Variants in PLPP2 observed in about 807,000 individuals in gnomAD.
PLPP2 encodes PAP2-gamma.
PLPP2 carries 29 observed loss-of-function variants against 35.2 expected under a neutral mutation model. That is an observed-to-expected ratio of 0.82 (90% CI 0.61 to 1.12). PLPP2 has a LOEUF of 1.12. Among genes scored for constraint, PLPP2 ranks in the 50% most tolerant of loss-of-function variants. PLPP2 has a pLI of 0.00. For missense variants in PLPP2, 353 were observed against 375.2 expected (o/e 0.94, Z 0.49); for synonymous variants, 162 against 167.0 (o/e 0.97, Z 0.23).
chr19:282,752 C>T lies in PLPP2; in HGVS notation c.540G>A (p.Ala180=), dbSNP rs761102865. ...GCAAGCCCGGGAGAAACAGACTCAC[C>T]GCCAAGAACACCATGCAGTACATCC... ...SFGMYCMVFL[A]LYVQARLCWK... Residue 180 remains alanine (A), a splice_region_variant and synonymous_variant, in exon 4 of 6, where the codon GCG becomes GCA. Coordinates refer to ENST00000434325, the MANE Select transcript of PLPP2 (RefSeq NM_003712.4). 8 of 1,612,940 alleles carry T rather than the reference C, an allele frequency of 5.0e-6. No homozygotes were observed. The highest frequency in any genetic ancestry group is 5.9e-6 in the Non-Finnish European group (7 of 1,179,100).
At chr19:291,178 G>C in intron 1 of PLPP2, 107 bp downstream of exon 1, 1 of 1,552,394 alleles carries the variant, frequency 6.4e-7, no homozygotes, top group Non-Finnish European at 8.7e-7. Flanking sequence ...GGTCCTCGGA[G>C]GGACGAGGGC....
Position 288,052 on chromosome 19 carries a change from C to A in PLPP2, c.172G>T (p.Ala58Ser). 1.9e-6 allele frequency: 3 copies of A among 1,613,812 alleles called. No homozygotes were observed. Among genetic ancestry groups the A allele is most frequent in the Non-Finnish European group, 2.5e-6 (3 of 1,179,958 alleles). The change falls in exon 2 of 6, where the codon GCT becomes TCT. Residue 58 changes from alanine to serine, a missense_variant. Transcript: ENST00000434325. ...RPDTITHGLM[A>S]GVTITATVIL... ...ACGGTGGCCGTGATGGTGACCCCAG[C>A]CATGAGCCCGTGGGTGATGGTATCT...
intron 1 of PLPP2, among the ~76,000 whole-genome samples, chr19:289,185 CG>C (rs938924001): frequency 1.6e-4 from 25 of 152,262 alleles, no homozygotes; most frequent in African/African-American, 6.0e-4. Flanking sequence ...AACAAAAGCC[CG>C]GGTCGGCTAG....
In PLPP2 at chr19:282,136, T is replaced by C. The variant is rs1325097462; in HGVS notation, c.715A>G (p.Thr239Ala). Residue 239 changes from threonine to alanine, a missense_variant and splice_region_variant, in exon 5 of 6, where the codon ACT becomes GCT. Thr to Ala is a moderately conservative substitution (Grantham distance 58). Transcript: ENST00000434325. ...TAGAGTTAGGGTTAGAAGCTCACAG[T>C]GAGGGCAGCCACCAGTGCCCCCTGC... ...LLQGALVAAL[T>A]VCYISDFFKA... The C allele has an allele frequency of 6.2e-7, 1 of 1,613,140 alleles. No individual in the cohort carries two copies. Among genetic ancestry groups the C allele is most frequent in the East Asian group, 2.2e-5 (1 of 44,870 alleles).
rs755773345 is a variant in PLPP2, at chr19:282,808, A to G, written c.484T>C (p.Leu162=). The G allele has an allele frequency of 1.2e-6, 2 of 1,613,230 alleles. No individual in the cohort carries two copies. The highest frequency in any genetic ancestry group is 2.7e-5 in the African/African-American group (2 of 74,800). ...GNPADVTEAR[L]SFYSGHSSFG... Reference sequence around the variant, plus strand: ...GAAGAGTGTCCCGAGTAGAAAGACAACCTGAGGAAGGAGAAGGGGCAGGTG... The same window carrying G: ...GAAGAGTGTCCCGAGTAGAAAGACAGCCTGAGGAAGGAGAAGGGGCAGGTG... Residue 162 remains leucine (L), a splice_region_variant and synonymous_variant, in exon 4 of 6, where the codon TTG becomes CTG. Transcript: ENST00000434325.
chr19:289,899 G>GT (rs1970350305), intron 1 of PLPP2, among the ~76,000 whole-genome samples: 1 of 148,810 alleles, frequency 6.7e-6, no homozygotes, highest in South Asian at 2.2e-4. Context: ...AGGGAGTGCA[G>GT]CCCGACCACA....
intron 1 of PLPP2, 118 bp downstream of exon 1, chr19:291,167 G>C (rs1970383206): frequency 6.6e-7 from 1 of 1,513,396 alleles, no homozygotes; most frequent in African/African-American, 1.4e-5. Flanking sequence ...CCCGCCTCCA[G>C]GGTCCTCGGA....
intron 1 of PLPP2, chr19:290,867 G>A (rs918067837): frequency 2.8e-6 from 3 of 1,087,184 alleles, no homozygotes; most frequent in Non-Finnish European, 3.5e-6. Flanking sequence ...CGCGCAGCGG[G>A]AGCGCCCACC....
At position 281,080 on chromosome 19, in the gene PLPP2, T is replaced by C. The variant is rs1215970207; in HGVS notation, c.*308A>G. On this transcript the variant is annotated 3_prime_UTR_variant, in exon 6 of 6. Transcript: ENST00000434325. The stretch of plus-strand genomic sequence containing the variant: ...GTGCCCTATTTTACTAAAAACCACA[T>C]ATACATTACATTTTACAAAACAGCA... 4.0e-6 allele frequency: 1 copy of C among 248,940 alleles called. No individual in the cohort carries two copies. Among genetic ancestry groups the C allele is most frequent in the Non-Finnish European group, 7.6e-6 (1 of 131,238 alleles). The allele number at this position is 248,940 out of a possible 1,614,324, so 15.4% of individuals were successfully genotyped here. A position where few individuals can be genotyped will look rare whatever the true frequency, so the allele number is the denominator to read the frequency against.
chr19:281,681 G>C, intron 5 of PLPP2, 144 bp from the exon 6 acceptor site: 1 of 780,280 alleles, frequency 1.3e-6, no homozygotes, highest in South Asian at 2.7e-5. Context: ...CCTGGGGTGG[G>C]AAGAGAGCGC....
intron 1 of PLPP2, among the ~76,000 whole-genome samples, chr19:289,470 C>T (rs1010783682): frequency 6.6e-6 from 1 of 152,076 alleles, no homozygotes; most frequent in African/African-American, 2.4e-5. Flanking sequence ...TGGCTCAGCA[C>T]TTTGGGAGGC....
chr19:282,519 C>T (rs892607048), intron 4 of PLPP2, among the ~76,000 whole-genome samples: 9 of 148,962 alleles, frequency 6.0e-5, no homozygotes, highest in African/African-American at 1.7e-4. Context: ...CCTGCACAGA[C>T]GTGTTAGCCT....
At position 287,257 on chromosome 19, in the gene PLPP2, C is replaced by T. The variant is rs1273087399; in HGVS notation, c.482+217G>A. On this transcript the variant is annotated intron_variant, in intron 3 of 5. Transcript: ENST00000434325. The surrounding 1 kb of genome is among the most constrained non-coding windows in gnomAD (Gnocchi z 4.3). ...TTACAAAGGTAAATGTACTAAACAACAGAACCCCAAAATACTTAAAGCAAA... is the reference window on the plus strand; with the variant it reads ...TTACAAAGGTAAATGTACTAAACAATAGAACCCCAAAATACTTAAAGCAAA... 1.7e-6 allele frequency: 1 copy of T among 577,984 alleles called. No individual in the cohort carries two copies. Among genetic ancestry groups the T allele is most frequent in the African/African-American group, 1.9e-5 (1 of 53,812 alleles). 35.8% of individuals were successfully genotyped at this position (577,984 alleles called of 1,614,324 possible).
rs1970300974 is a variant in PLPP2 at position 287,843 on chromosome 19, C to G, written c.205-92G>C. ...GGGCCTCCCCAAGGCTGCTGGAGAG[C>G]TGGGGACTCTGAAGGGGGCCCTATT... On this transcript the variant is annotated intron_variant, in intron 2 of 5. Transcript: ENST00000434325. This position sits in a 1 kb window ranked among gnomAD's most constrained non-coding sequence, Gnocchi z 4.3. The G allele has an allele frequency of 1.3e-6, 2 of 1,539,754 alleles. No homozygotes were observed. The highest frequency in any genetic ancestry group is 1.8e-6 in the Non-Finnish European group (2 of 1,139,956).
chr19:289,409 C>G lies in PLPP2; in HGVS notation c.53-1238G>C, dbSNP rs117168463. ...TGAAGAAAACAGAGGCCTGCCTCACCGAGCAAGAAAGGTGAGGGAATGCAG... is the reference window on the plus strand; with the variant it reads ...TGAAGAAAACAGAGGCCTGCCTCACGGAGCAAGAAAGGTGAGGGAATGCAG... On this transcript the variant is annotated intron_variant, in intron 1 of 5. Transcript: ENST00000434325. 5.9e-5 allele frequency among the ~76,000 whole-genome samples: 9 copies of G among 152,296 alleles called. No individual in the cohort carries two copies. In the East Asian group the frequency reaches 1.5e-3, roughly 26 times the overall value.
intron 3 of PLPP2, chr19:284,462 T>TA (rs1935618297): frequency 6.6e-6 from 1 of 152,164 alleles, no homozygotes; most frequent in South Asian, 2.1e-4. Flanking sequence ...ATGTTGGACT[T>TA]ACTAGACACT....
chr19:283,517 G>A (rs551501383), intron 3 of PLPP2: 1 of 152,342 alleles, frequency 6.6e-6, no homozygotes, highest in South Asian at 2.1e-4. Context: ...GATATTTGTA[G>A]GAAACATTCA....
intron 1 of PLPP2, chr19:288,439 C>T (rs923610116): frequency 5.9e-6 from 2 of 336,306 alleles, no homozygotes; most frequent in Non-Finnish European, 1.1e-5. Context: ...ACAGCCACTT[C>T]TCTCTGCCCA....
rs746586685 is a variant in PLPP2, at chr19:282,318, G to A, written c.541-8C>T. ...TCGTGCCTGCACATACAGCTGGAGT[G>A]GGGAGAGGACGTGTTAGCCTGTGCA... On this transcript the variant is annotated splice_polypyrimidine_tract_variant and splice_region_variant and intron_variant, in intron 4 of 5. Coordinates refer to ENST00000434325, the MANE Select transcript of PLPP2 (RefSeq NM_003712.4). 3.7e-6 allele frequency: 6 copies of A among 1,612,666 alleles called. No homozygotes were observed. Among genetic ancestry groups the A allele is most frequent in the Non-Finnish European group, 5.1e-6 (6 of 1,179,606 alleles).
Sources: gnomAD v4.1 joint callset for allele counts (sites outside exome capture counted in the v4.1 genomes callset) on GRCh38, gnomAD v4.1.1 for gene constraint, Gnocchi (gnomAD v3.1) non-coding constraint, MANE v1.5 for transcripts, NCBI Gene and HGNC (gene_info 2026-07-23, HGNC 2026-07-21) for gene names.